DNM1L: variants seen among roughly 807,000 people sequenced by gnomAD.
DNM1L encodes the protein dynamin-1-like protein.
DNM1L carries 33 observed loss-of-function variants against 92.8 expected under a neutral mutation model. That is an observed-to-expected ratio of 0.36 (90% CI 0.27 to 0.48). The LOEUF is 0.48. Ranked by LOEUF, DNM1L falls within the 20% of genes least tolerant of loss-of-function variation. The pLI is 0.99. For synonymous variants in DNM1L, 284 were observed against 305.0 expected (o/e 0.93, Z 0.72); for missense variants, 485 against 888.8 (o/e 0.55, Z 5.78).
intron 9 of DNM1L, chr12:32,726,251 C>A: frequency 1.4e-6 from 1 of 718,540 alleles, no homozygotes; most frequent in East Asian, 2.7e-5. Context: ...TTTAAAATAT[C>A]AGTTTCCTGT....
At chr12:32,729,088 G>GCCGAAAT (rs1555124891) in intron 9 of DNM1L, 3 of 150,044 alleles carry the variant, frequency 2.0e-5, no homozygotes, top group South Asian at 2.1e-4. Flanking sequence ...ACTGTGCCCA[G>GCCGAAAT]TCCCCCTTTT....
At chr12:32,682,538 C>T (rs1951850597) in intron 1 of DNM1L, among the ~76,000 whole-genome samples, 1 of 152,012 alleles carries the variant, frequency 6.6e-6, no homozygotes, top group Non-Finnish European at 1.5e-5. Flanking sequence ...ACAGATGGTT[C>T]CTAGATCCTA....
intron 9 of DNM1L, among the ~76,000 whole-genome samples, chr12:32,725,896 C>T (rs946289137): frequency 5.4e-5 from 8 of 149,364 alleles, no homozygotes; most frequent in African/African-American, 2.0e-4. Context: ...TGAGCCACCG[C>T]GACTGGCATG....
chr12:32,707,442 T>A, intron 3 of DNM1L, 29 bp downstream of exon 3: 1 of 1,513,244 alleles, frequency 6.6e-7, no homozygotes, highest in Admixed American at 2.0e-5. Flanking sequence ...AATGAAGAAA[T>A]AATGTTGAAA....
chr12:32,732,834 C>T lies in DNM1L; in HGVS notation c.1447-881C>T, dbSNP rs139171353. On this transcript the variant is annotated intron_variant, in intron 12 of 19. Coordinates refer to ENST00000549701, the MANE Select transcript of DNM1L (RefSeq NM_012062.5). ...TAAGACTCAGTGGTGTGGTGGCTCACACCTGTAATCCCAACACTTTGGGAA... is the reference window on the plus strand; with the variant it reads ...TAAGACTCAGTGGTGTGGTGGCTCATACCTGTAATCCCAACACTTTGGGAA... Among the ~76,000 whole-genome samples the T allele has an allele frequency of 1.7e-3, 256 of 152,316 alleles. 1 individual carries two copies. The highest frequency in any genetic ancestry group is 6.8e-3 in the Middle Eastern group (2 of 294).
intron 1 of DNM1L, among the ~76,000 whole-genome samples, chr12:32,684,906 C>T (rs10844283): frequency 0.35 from 53,539 of 151,094 alleles, 10,922 homozygotes; most frequent in African/African-American, 0.56. Context: ...TAATGCTCTG[C>T]GAACATTCGT....
At chr12:32,712,360 C>T (rs543667177) in intron 5 of DNM1L, among the ~76,000 whole-genome samples, 1 of 152,162 alleles carries the variant, frequency 6.6e-6, no homozygotes, top group Non-Finnish European at 1.5e-5. Flanking sequence ...ATTTCTTCCC[C>T]CAGATGTCTG....
chr12:32,718,954 AT>A lies in DNM1L; in HGVS notation c.740+206del, dbSNP rs11356668. Reference sequence around the variant, plus strand: ...GCCCTAAAGGGAGAAAAGAGAGAGAATTTTTTTTTTTTTTTGAAATAGGGTC... The same window carrying A: ...GCCCTAAAGGGAGAAAAGAGAGAGAATTTTTTTTTTTTTTGAAATAGGGTC... On this transcript the variant is annotated intron_variant, in intron 7 of 19. Coordinates refer to ENST00000549701, the MANE Select transcript of DNM1L (RefSeq NM_012062.5). 0.16 allele frequency among the ~76,000 whole-genome samples: 23,186 copies of A among 145,430 alleles called. 1,790 individuals are homozygous for A. Among genetic ancestry groups the A allele is most frequent in the African/African-American group, 0.21 (8,330 of 39,816 alleles).
chr12:32,718,222 A>G (rs1953638071), intron 6 of DNM1L, among the ~76,000 whole-genome samples: 1 of 148,762 alleles, frequency 6.7e-6, no homozygotes, highest in Non-Finnish European at 1.5e-5. Context: ...GCTCACTGCA[A>G]CCTCTGCCTC....
At chr12:32,708,686 T>G (rs1208575261) in intron 4 of DNM1L, among the ~76,000 whole-genome samples, 2 of 152,084 alleles carry the variant, frequency 1.3e-5, no homozygotes, top group Non-Finnish European at 2.9e-5. Flanking sequence ...TTGGGAATTT[T>G]TTTTTCTTTT....
chr12:32,695,574 C>T (rs997937430), intron 1 of DNM1L, among the ~76,000 whole-genome samples: 8 of 152,240 alleles, frequency 5.3e-5, no homozygotes, highest in Admixed American at 1.3e-4. Context: ...AATTTGAGAC[C>T]AGCCTGGGCA....
intron 4 of DNM1L, chr12:32,709,662 T>C (rs890902600): frequency 6.6e-6 from 1 of 152,342 alleles, no homozygotes; most frequent in Non-Finnish European, 1.5e-5. Flanking sequence ...TGTCAAAATA[T>C]GTAAATGACT....
At chr12:32,693,724 A>G (rs776069855) in intron 1 of DNM1L, among the ~76,000 whole-genome samples, 16 of 150,690 alleles carry the variant, frequency 1.1e-4, no homozygotes, top group African/African-American at 2.0e-4. Context: ...TGCAGCCTCA[A>G]TCCCCTGGGC....
chr12:32,730,621 T>TAGTA (rs1555125546), intron 9 of DNM1L, among the ~76,000 whole-genome samples: 4 of 152,054 alleles, frequency 2.6e-5, no homozygotes, highest in African/African-American at 9.7e-5. Flanking sequence ...AAGCCTAAAA[T>TAGTA]ACTATGTGAC....
chr12:32,737,394 G>A, intron 14 of DNM1L: 1 of 496,178 alleles, frequency 2.0e-6, no homozygotes, highest in Non-Finnish European at 3.6e-6. Flanking sequence ...ATTTATTTAA[G>A]CATTTAAGCA....
chr12:32,740,302 T>C (rs1955198863), intron 17 of DNM1L, 62 bp downstream of exon 17: 52 of 1,612,660 alleles, frequency 3.2e-5, no homozygotes, highest in Non-Finnish European at 4.2e-5. Flanking sequence ...GGAAAACGAT[T>C]AGACAGAAAG....
intron 6 of DNM1L, among the ~76,000 whole-genome samples, chr12:32,716,246 G>GGC (rs1953358663): frequency 6.6e-6 from 1 of 151,752 alleles, no homozygotes. Context: ...ATTTGGTGGG[G>GGC]GGGGGTGGCA....
intron 1 of DNM1L, among the ~76,000 whole-genome samples, chr12:32,691,506 G>A (rs960588003): frequency 4.6e-5 from 7 of 152,150 alleles, no homozygotes; most frequent in Admixed American, 2.6e-4. Flanking sequence ...GCCTCCTGAA[G>A]TGCTGGGATT....
At chr12:32,715,796 T>G (rs1338044202) in intron 6 of DNM1L, among the ~76,000 whole-genome samples, 8 of 152,156 alleles carry the variant, frequency 5.3e-5, no homozygotes, top group African/African-American at 1.9e-4. Flanking sequence ...TGCAGAGCAG[T>G]TGGAACTCTC....
Sources: gnomAD v4.1 joint callset for allele counts (sites outside exome capture counted in the v4.1 genomes callset) on GRCh38, gnomAD v4.1.1 for gene constraint, MANE v1.5 for transcripts, NCBI Gene and HGNC (gene_info 2026-07-23, HGNC 2026-07-21) for gene names.